The following TTC31 variants were observed in gnomAD, a reference collection of about 807,000 sequenced individuals.
The protein encoded by TTC31 is tetratricopeptide repeat protein 31.
A neutral mutation model predicts 60.4 loss-of-function variants in TTC31; 59 were observed. The observed-to-expected ratio is 0.98, with a 90% CI of 0.79 to 1.21. TTC31 has a LOEUF of 1.21. Among genes scored for constraint, TTC31 ranks in the 50% most tolerant of loss-of-function variants. TTC31 has a pLI of 0.00. For synonymous variants in TTC31, 225 were observed against 249.6 expected, an observed-to-expected ratio of 0.90 and a Z score of 0.93; for missense variants, 672 against 646.9, an observed-to-expected ratio of 1.04 and a Z score of -0.42.
chr2:74,486,121 C>T (rs1202357028), intron 2 of TTC31, among the ~76,000 whole-genome samples: 1 of 151,968 alleles, frequency 6.6e-6, no homozygotes, highest in East Asian at 1.9e-4. Flanking sequence ...AAAAAATTAG[C>T]TGGGCATGGT....
At chr2:74,484,308 A>G (rs149524049) in intron 2 of TTC31, among the ~76,000 whole-genome samples, 4 of 152,212 alleles carry the variant, frequency 2.6e-5, no homozygotes, top group African/African-American at 9.6e-5. Flanking sequence ...AAACAAGGAA[A>G]AGTTGAGAGA....
In TTC31 at chr2:74,484,603, C is replaced by A. The variant is rs181768014; in HGVS notation, c.129+1193C>A. Among the ~76,000 whole-genome samples, 641 of 152,158 alleles carry A rather than the reference C, an allele frequency of 4.2e-3. 3 individuals carry two copies. The highest frequency in any genetic ancestry group is 0.015 in the African/African-American group (624 of 41,518). On this transcript the variant is annotated intron_variant, in intron 2 of 12. Transcript: ENST00000233623. ...CCTCCTGAGTAGCTGGGACTACAGG[C>A]ACATGCCACCAGTCCCAGCTAATTT...
intron 2 of TTC31, among the ~76,000 whole-genome samples, chr2:74,485,308 G>A (rs1201727556): frequency 6.6e-6 from 1 of 151,822 alleles, no homozygotes; most frequent in East Asian, 1.9e-4. Flanking sequence ...ACAGGCATGA[G>A]CCACCATGCC....
rs1409805318 is a variant in TTC31, at chr2:74,492,926, G to T, written c.1268G>T (p.Gly423Val). ...RSCLLHLTLQ[G>V]QRGGICAPPL... ...CCCTTCTCTCTCCCTTCTCAGCAGG[G>T]TCAGCGAGGAGGAATCTGTGCACCA... The change falls in exon 13 of 13, where the codon GGT (glycine) becomes GTT (valine). Residue 423 changes from glycine to valine, a missense_variant. By Grantham distance (109) the Gly-to-Val change is moderately radical (BLOSUM62 -3). Transcript: ENST00000233623. The T allele has an allele frequency of 8.7e-6, 14 of 1,603,198 alleles. No homozygotes were observed. Among genetic ancestry groups the T allele is most frequent in the African/African-American group, 1.3e-5 (1 of 74,750 alleles).
chr2:74,489,487 A>G (rs974974417), intron 2 of TTC31, among the ~76,000 whole-genome samples: 4 of 152,166 alleles, frequency 2.6e-5, no homozygotes, highest in South Asian at 4.1e-4. Flanking sequence ...ATTAGGTTCA[A>G]CTCTGCCTAT....
At chr2:74,491,078 G>T (rs534627657) in intron 5 of TTC31, 50 bp from the exon 6 acceptor site, 1 of 1,607,574 alleles carries the variant, frequency 6.2e-7, no homozygotes. Context: ...CCCAGCACAC[G>T]ACATACAGTA....
chr2:74,483,702 C>A, intron 2 of TTC31: 1 of 1,048,800 alleles, frequency 9.5e-7, no homozygotes, highest in Non-Finnish European at 1.2e-6. Flanking sequence ...GGAGGCCGGG[C>A]GCGGTGGCTT....
intron 4 of TTC31, 33 bp downstream of exon 4, chr2:74,490,506 C>T: frequency 6.4e-7 from 1 of 1,564,530 alleles, no homozygotes; most frequent in Non-Finnish European, 8.7e-7. Context: ...TTGCCGTCCC[C>T]CAGGGTTCTT....
In TTC31 at chr2:74,490,251, C is replaced by T. The variant is rs747557740; in HGVS notation, c.240C>T (p.Leu80=). 12 of 1,613,796 alleles carry T rather than the reference C, an allele frequency of 7.4e-6. No homozygotes were observed. Among genetic ancestry groups the T allele is most frequent in the Non-Finnish European group, 1.0e-5 (12 of 1,179,890 alleles). ...CTTTCTCCCTCCTGACAGATTACCT[C>T]CTGGGCCACTTGGATGATGAAGGGA... The part of the protein sequence containing the change: ...GRLQLWHHDY[L]LGHLDDEGKS... Residue 80 remains leucine (L), a synonymous_variant, in exon 4 of 13, where the codon CTC becomes CTT. Transcript: ENST00000233623.
intron 8 of TTC31, 25 bp downstream of exon 8, chr2:74,491,697 C>T: frequency 6.2e-7 from 1 of 1,610,812 alleles, no homozygotes; most frequent in Non-Finnish European, 8.5e-7. Flanking sequence ...GAACCTTATT[C>T]AGCTGGAACC....
At position 74,493,313 on chromosome 2, in the gene TTC31, T is replaced by C. The variant is rs1274435949; in HGVS notation, c.*95T>C. The C allele has an allele frequency of 7.8e-7, 1 of 1,287,434 alleles. No homozygotes were observed. The highest frequency in any genetic ancestry group is 1.5e-5 in the African/African-American group (1 of 67,710). 79.8% of individuals were successfully genotyped at this position (1,287,434 alleles called of 1,614,324 possible). A position where few individuals can be genotyped will look rare whatever the true frequency, so the allele number is the denominator to read the frequency against. ...GTTCACTGCATATTTTGAGACCTTA[T>C]TCTCTAGATCCATAGTTAATGATGC... On this transcript the variant is annotated 3_prime_UTR_variant, in exon 13 of 13. Transcript: ENST00000233623.
chr2:74,490,028 A>G lies in TTC31; in HGVS notation c.133A>G (p.Ile45Val), dbSNP rs1194171681. 2 of 1,145,450 alleles carry G rather than the reference A, an allele frequency of 1.7e-6. No individual in the cohort carries two copies. The highest frequency in any genetic ancestry group is 2.6e-5 in the South Asian group (2 of 77,334). 71.0% of individuals were successfully genotyped at this position (1,145,450 alleles called of 1,614,324 possible). A position where few individuals can be genotyped will look rare whatever the true frequency, so the allele number is the denominator to read the frequency against. The change falls in exon 3 of 13, where the codon ATA becomes GTA. Residue 45 changes from isoleucine (I) to valine (V), a missense_variant. Transcript: ENST00000233623. ...FGPEDYGEED[I>V]VDFLRRLVES... ...CTCCCCTCCCCTCCCCTCCCAGGAC[A>G]TAGTGGATTTTCTTCGACGGCTTGT...
rs1379308810 is a variant in TTC31 at position 74,483,095 on chromosome 2, G to C, written c.-1G>C. On this transcript the variant is annotated 5_prime_UTR_variant, in exon 1 of 13. Transcript: ENST00000233623. Reference sequence around the variant, plus strand: ...TTCATTTCCGGGTCACTGTAGATGCGATGGCGCCGATTCCAAAGACTGTGG... The same window carrying C: ...TTCATTTCCGGGTCACTGTAGATGCCATGGCGCCGATTCCAAAGACTGTGG... 2 of 1,614,092 alleles carry C rather than the reference G, an allele frequency of 1.2e-6. No homozygotes were observed. Among genetic ancestry groups the C allele is most frequent in the Non-Finnish European group, 1.7e-6 (2 of 1,180,044 alleles).
In TTC31 at chr2:74,494,526, A is replaced by G. The variant is rs1674264169; in HGVS notation, c.*1308A>G. 1.3e-5 allele frequency: 2 copies of G among 152,248 alleles called. No homozygotes were observed. The highest frequency in any genetic ancestry group is 2.9e-5 in the Non-Finnish European group (2 of 68,050). The allele number at this position is 152,248 out of a possible 1,614,324, so 9.4% of individuals were successfully genotyped here. On this transcript the variant is annotated 3_prime_UTR_variant, in exon 13 of 13. Transcript: ENST00000233623. ...AATACCTCCCAAGTGCCTGGTACAT[A>G]GTGGGTGCTAAATAAACCACTTTTT...
At chr2:74,485,297 T>G (rs1402663333) in intron 2 of TTC31, among the ~76,000 whole-genome samples, 2 of 151,976 alleles carry the variant, frequency 1.3e-5, no homozygotes, top group African/African-American at 4.8e-5. Flanking sequence ...GTGCTGGGGT[T>G]ACAGGCATGA....
intron 2 of TTC31, among the ~76,000 whole-genome samples, chr2:74,484,052 A>G (rs576071443): frequency 3.9e-5 from 6 of 152,124 alleles, no homozygotes; most frequent in African/African-American, 1.4e-4. Flanking sequence ...CCTGGCCAAC[A>G]TGGTGAAACG....
At chr2:74,487,454 G>A (rs1673257874) in intron 2 of TTC31, among the ~76,000 whole-genome samples, 1 of 152,150 alleles carries the variant, frequency 6.6e-6, no homozygotes, top group African/African-American at 2.4e-5. Context: ...CTGACCTCAA[G>A]TGATCTGCTT....
At position 74,491,491 on chromosome 2, in the gene TTC31, A is replaced by G; in HGVS notation, c.695A>G (p.Asp232Gly). The change falls in exon 8 of 13, where the codon GAT (aspartate) becomes GGT (glycine). Residue 232 changes from aspartate to glycine, a missense_variant. Coordinates refer to ENST00000233623, the MANE Select transcript of TTC31 (RefSeq NM_022492.6). Reference protein sequence around the residue: ...GQCGEEEDSLDLSSTFVSLAL... With the variant: ...GQCGEEEDSLGLSSTFVSLAL... ...CCATTTTGTTCACAGGACTCACTGG[A>G]TCTATCTAGCACTTTTGTGTCTCTG... is the stretch of plus-strand genomic sequence containing the variant. The G allele has an allele frequency of 6.2e-7, 1 of 1,610,106 alleles. No homozygotes were observed. The highest frequency in any genetic ancestry group is 8.5e-7 in the Non-Finnish European group (1 of 1,178,826).
chr2:74,486,741 A>G (rs1388662651), intron 2 of TTC31, among the ~76,000 whole-genome samples: 1 of 152,124 alleles, frequency 6.6e-6, no homozygotes, highest in Non-Finnish European at 1.5e-5. Context: ...AAAAGATACA[A>G]AATTAGCTGG....
Sources: gnomAD v4.1 joint callset for allele counts (sites outside exome capture counted in the v4.1 genomes callset) on GRCh38, gnomAD v4.1.1 for gene constraint, MANE v1.5 for transcripts, NCBI Gene and HGNC (gene_info 2026-07-23, HGNC 2026-07-21) for gene names.